Variants in NINL observed in about 807,000 individuals in gnomAD.
NINL encodes the protein ninein-like protein.
In NINL, 153 loss-of-function variants were observed where a neutral mutation model predicts 160.3. The ratio of observed to expected loss-of-function variants is 0.95; its 90% CI spans 0.84 to 1.09. The LOEUF (loss-of-function observed/expected upper bound fraction) is 1.09. NINL is among the 50% of genes least tolerant of loss of function. The probability of loss-of-function intolerance (pLI) is 0.00; values close to 1 mark genes in which losing one functional copy is unlikely to be tolerated. For missense variants in NINL, 1,829 were observed against 1,764.0 expected (o/e 1.04, Z -0.66); for synonymous variants, 800 against 734.8 (o/e 1.09, Z -1.43).
intron 21 of NINL, among the ~76,000 whole-genome samples, chr20:25,459,210 C>T (rs570706372): frequency 6.6e-6 from 1 of 152,224 alleles, no homozygotes; most frequent in Non-Finnish European, 1.5e-5. Context: ...GTGGGAATCA[C>T]GCACGCTCCA....
intron 2 of NINL, among the ~76,000 whole-genome samples, chr20:25,524,145 T>C (rs913411760): frequency 1.3e-5 from 2 of 152,086 alleles, no homozygotes; most frequent in Non-Finnish European, 2.9e-5. Context: ...CTGCCCTGTC[T>C]GTGGTATGAA....
chr20:25,509,698 T>C, intron 5 of NINL: 1 of 456,778 alleles, frequency 2.2e-6, no homozygotes, highest in South Asian at 1.5e-5. Flanking sequence ...TCTTCACTCT[T>C]GCAGGCATCA....
rs529751165 is a variant in NINL, at chr20:25,455,895, C to T, written c.3844-109G>A. 1.8e-4 allele frequency: 137 copies of T among 759,722 alleles called. 1 individual carries two copies. In the East Asian group the frequency reaches 3.3e-3, roughly 18 times the overall value. 47.1% of individuals were successfully genotyped at this position (759,722 alleles called of 1,614,324 possible). ...ATCACCTGAGGTCAGGAGTTTGAGA[C>T]CAACCTGGCCAACATGGTGAAACCC... On this transcript the variant is annotated intron_variant, in intron 22 of 23. Transcript: ENST00000278886.
intron 1 of NINL, among the ~76,000 whole-genome samples, chr20:25,532,200 G>A (rs2094105342): frequency 6.6e-6 from 1 of 152,210 alleles, no homozygotes; most frequent in Non-Finnish European, 1.5e-5. Context: ...CAGCAGCTGG[G>A]CCTACCAGTC....
intron 1 of NINL, among the ~76,000 whole-genome samples, chr20:25,567,131 A>G (rs6132845): frequency 0.49 from 74,258 of 152,096 alleles, 18,897 homozygotes; most frequent in East Asian, 0.98. Context: ...TTTTAAAACA[A>G]TACCTTTGAT....
intron 5 of NINL, chr20:25,509,587 G>A (rs958581857): frequency 4.4e-6 from 2 of 452,070 alleles, no homozygotes; most frequent in Non-Finnish European, 8.9e-6. Flanking sequence ...CTGCTGCAAG[G>A]GTTAGCCAGG....
rs1194859069 is a variant in NINL at position 25,459,220 on chromosome 20, A to G, written c.3697-691T>C. Among the ~76,000 whole-genome samples, 5 of 152,322 alleles carry G rather than the reference A, an allele frequency of 3.3e-5. 1 individual carries two copies. The highest frequency in any genetic ancestry group is 1.2e-4 in the African/African-American group (5 of 41,566). On this transcript the variant is annotated intron_variant, in intron 21 of 23. Coordinates refer to ENST00000278886, the MANE Select transcript of NINL (RefSeq NM_025176.6). ...ACGGAGTGGGAATCACGCACGCTCC[A>G]TCGGGGTCATATTTGGGCTGGGCCT...
chr20:25,583,587 C>A (rs1321326192), intron 1 of NINL, among the ~76,000 whole-genome samples: 1 of 152,120 alleles, frequency 6.6e-6, no homozygotes, highest in Non-Finnish European at 1.5e-5. Flanking sequence ...GGATCTAGAA[C>A]CAGAAATAAC....
chr20:25,455,866 G>A (rs1361492497), intron 22 of NINL, 80 bp from the exon 23 acceptor site: 1 of 1,123,246 alleles, frequency 8.9e-7, no homozygotes, highest in Non-Finnish European at 1.3e-6. Flanking sequence ...GCCGAGGCGG[G>A]CGGATCACCT....
chr20:25,485,007 A>G (rs1467602920), intron 13 of NINL, among the ~76,000 whole-genome samples: 2 of 152,262 alleles, frequency 1.3e-5, no homozygotes, highest in African/African-American at 4.8e-5. Context: ...GCACAGCCTC[A>G]GTGCTGTGAA....
chr20:25,459,687 C>A (rs550255870), intron 21 of NINL, among the ~76,000 whole-genome samples: 2 of 152,140 alleles, frequency 1.3e-5, no homozygotes, highest in Non-Finnish European at 2.9e-5. Context: ...TGCACCACCC[C>A]CCACAGCCAT....
At chr20:25,553,444 T>C (rs2064828734) in intron 1 of NINL, among the ~76,000 whole-genome samples, 1 of 152,218 alleles carries the variant, frequency 6.6e-6, no homozygotes, top group African/African-American at 2.4e-5. Flanking sequence ...CAATGGCTTG[T>C]GGGCCACATT....
intron 1 of NINL, among the ~76,000 whole-genome samples, chr20:25,549,064 G>A (rs1331356454): frequency 2.1e-3 from 138 of 65,386 alleles, no homozygotes; most frequent in Admixed American, 3.1e-3. Flanking sequence ...GCCTGACCCC[G>A]GCACCCACGG....
chr20:25,507,642 T>C (rs1014103623), intron 5 of NINL, among the ~76,000 whole-genome samples: 2 of 152,138 alleles, frequency 1.3e-5, no homozygotes, highest in African/African-American at 4.8e-5. Context: ...AGATGAGCCA[T>C]GTGGGTGTGA....
intron 1 of NINL, among the ~76,000 whole-genome samples, chr20:25,571,213 G>C (rs1347670118): frequency 6.6e-6 from 1 of 152,132 alleles, no homozygotes; most frequent in Admixed American, 6.6e-5. Flanking sequence ...TCACGTAAGG[G>C]GATAATCTTG....
intron 1 of NINL, among the ~76,000 whole-genome samples, chr20:25,546,522 C>T (rs981539336): frequency 2.0e-5 from 3 of 152,026 alleles, no homozygotes; most frequent in Non-Finnish European, 4.4e-5. Flanking sequence ...ATATAAAAGT[C>T]ACAATTTCTA....
At chr20:25,463,281 C>T (rs189839050) in intron 19 of NINL, among the ~76,000 whole-genome samples, 1 of 152,242 alleles carries the variant, frequency 6.6e-6, no homozygotes, top group African/African-American at 2.4e-5. Flanking sequence ...TTCTCATTTC[C>T]TCCACGATTA....
At chr20:25,493,578 C>T (rs16987786) in intron 10 of NINL, among the ~76,000 whole-genome samples, 15,082 of 152,212 alleles carry the variant, frequency 0.099, 1,269 homozygotes, top group African/African-American at 0.23. Context: ...ATGTGCGCTC[C>T]GGAAGGCAGG....
intron 10 of NINL, among the ~76,000 whole-genome samples, chr20:25,494,184 G>A (rs1298776504): frequency 7.5e-6 from 1 of 132,602 alleles, no homozygotes; most frequent in Non-Finnish European, 1.6e-5. Flanking sequence ...CAGGCCCCAC[G>A]CACACTCAGC....
Sources: gnomAD v4.1 joint callset for allele counts (sites outside exome capture counted in the v4.1 genomes callset) on GRCh38, gnomAD v4.1.1 for gene constraint, MANE v1.5 for transcripts, NCBI Gene and HGNC (gene_info 2026-07-23, HGNC 2026-07-21) for gene names.